Variants in TYR observed in about 807,000 individuals in gnomAD.
TYR encodes tyrosinase.
TYR carries 58 observed loss-of-function variants against 51.5 expected under a neutral mutation model. The observed-to-expected ratio is 1.13, with a 90% CI of 0.91 to 1.40. TYR has a LOEUF of 1.40. TYR is among the 40% of genes most tolerant of loss of function. TYR has a pLI of 0.00. For synonymous variants in TYR, 263 were observed against 235.2 expected (o/e 1.12, Z -1.08); for missense variants, 732 against 647.4 (o/e 1.13, Z -1.42).
chr11:89,242,436 C>T (rs1409884172), intron 3 of TYR, among the ~76,000 whole-genome samples: 1 of 152,088 alleles, frequency 6.6e-6, no homozygotes, highest in African/African-American at 2.4e-5. Flanking sequence ...GTCTCAAACT[C>T]CTGACCTCAG....
intron 2 of TYR, among the ~76,000 whole-genome samples, chr11:89,199,031 A>C (rs1436999045): frequency 6.6e-6 from 1 of 151,864 alleles, no homozygotes; most frequent in Non-Finnish European, 1.5e-5. Flanking sequence ...TGTCCTTGTG[A>C]TAGTTTGCTG....
intron 3 of TYR, among the ~76,000 whole-genome samples, chr11:89,266,493 T>C (rs1944527201): frequency 6.6e-6 from 1 of 151,948 alleles, no homozygotes; most frequent in Non-Finnish European, 1.5e-5. Flanking sequence ...CCCCATCATA[T>C]GTATTGGTCC....
rs541073452 is a variant in TYR at position 89,264,029 on chromosome 11, T to G, written c.1185-20744T>G. Among the ~76,000 whole-genome samples, 10 of 152,178 alleles carry G rather than the reference T, an allele frequency of 6.6e-5. No homozygotes were observed. The South Asian group carries it at 1.2e-3, about 19-fold the overall frequency. On this transcript the variant is annotated intron_variant, in intron 3 of 4. Transcript: ENST00000263321. The stretch of plus-strand genomic sequence containing the variant: ...CTCTTAATGTTGTAGTAGATTTTCT[T>G]GAATAAATGTTTCAGCATTTGCTGT...
At chr11:89,224,407 CT>C (rs1460920125) in intron 2 of TYR, among the ~76,000 whole-genome samples, 2 of 152,136 alleles carry the variant, frequency 1.3e-5, no homozygotes, top group Non-Finnish European at 2.9e-5. Flanking sequence ...AAGGATTATA[CT>C]TCCAGTATGT....
intron 2 of TYR, among the ~76,000 whole-genome samples, chr11:89,221,304 A>G (rs1943909702): frequency 6.6e-6 from 1 of 152,238 alleles, no homozygotes; most frequent in Non-Finnish European, 1.5e-5. Context: ...ATAATTACAT[A>G]GTATGAAACA....
At chr11:89,207,395 G>A (rs1943685922) in intron 2 of TYR, among the ~76,000 whole-genome samples, 1 of 151,984 alleles carries the variant, frequency 6.6e-6, no homozygotes. Context: ...TCCTAAAAAA[G>A]CGCAAACTAT....
intron 1 of TYR, among the ~76,000 whole-genome samples, chr11:89,190,983 C>G (rs188460689): frequency 6.6e-6 from 1 of 152,076 alleles, no homozygotes; most frequent in African/African-American, 2.4e-5. Flanking sequence ...CTATACCATT[C>G]TAGGTTTGTG....
intron 3 of TYR, among the ~76,000 whole-genome samples, chr11:89,279,050 A>AT (rs769507405): frequency 1.3e-4 from 20 of 151,618 alleles, no homozygotes; most frequent in Non-Finnish European, 2.7e-4. Flanking sequence ...TCTTCACATC[A>AT]TATCAAAGGT....
intron 2 of TYR, among the ~76,000 whole-genome samples, chr11:89,216,900 A>G (rs947492862): frequency 1.4e-4 from 21 of 152,138 alleles, no homozygotes; most frequent in African/African-American, 4.6e-4. Flanking sequence ...GTTTCTTATC[A>G]TGATCAAACA....
chr11:89,191,001 A>T (rs1943435897), intron 1 of TYR, among the ~76,000 whole-genome samples: 1 of 152,174 alleles, frequency 6.6e-6, no homozygotes, highest in Non-Finnish European at 1.5e-5. Context: ...GTGCAAGTAC[A>T]CTGACTATGA....
At chr11:89,239,178 C>T (rs6415994) in intron 3 of TYR, among the ~76,000 whole-genome samples, 48,612 of 151,912 alleles carry the variant, frequency 0.32, 8,285 homozygotes, top group African/African-American at 0.43. Flanking sequence ...TAAATGTTGG[C>T]AGAACTTATC....
At chr11:89,255,817 A>G (rs146053415) in intron 3 of TYR, among the ~76,000 whole-genome samples, 1,764 of 151,320 alleles carry the variant, frequency 0.012, 33 homozygotes, top group African/African-American at 0.041. Context: ...GCCTAATTAG[A>G]CCTTTGTTCA....
intron 3 of TYR, among the ~76,000 whole-genome samples, chr11:89,261,378 A>C (rs1384125381): frequency 6.6e-6 from 1 of 152,156 alleles, no homozygotes; most frequent in Non-Finnish European, 1.5e-5. Context: ...AAGATATTTT[A>C]TGTAAAAAAT....
intron 3 of TYR, among the ~76,000 whole-genome samples, chr11:89,242,357 A>C (rs538202953): frequency 1.3e-5 from 2 of 148,790 alleles, no homozygotes; most frequent in Admixed American, 1.3e-4. Flanking sequence ...ACAGGCACCC[A>C]CCACCACGCC....
chr11:89,208,735 T>C (rs971321741), intron 2 of TYR, among the ~76,000 whole-genome samples: 2 of 152,222 alleles, frequency 1.3e-5, no homozygotes, highest in African/African-American at 2.4e-5. Context: ...ATTTTGTAAG[T>C]ACTTCTAAAA....
intron 3 of TYR, among the ~76,000 whole-genome samples, chr11:89,251,950 C>G (rs1007616631): frequency 1.8e-4 from 27 of 151,868 alleles, no homozygotes; most frequent in African/African-American, 6.3e-4. Context: ...TTGAGAAAAG[C>G]CCTTACTGTA....
intron 2 of TYR, among the ~76,000 whole-genome samples, chr11:89,198,487 C>T (rs1001848974): frequency 1.3e-5 from 2 of 152,064 alleles, no homozygotes; most frequent in Admixed American, 6.6e-5. Context: ...TTTAATTAAT[C>T]CCCCAGATTT....
chr11:89,188,900 G>A (rs7117213), intron 1 of TYR, among the ~76,000 whole-genome samples: 30,644 of 151,634 alleles, frequency 0.2, 4,342 homozygotes, highest in African/African-American at 0.41. Flanking sequence ...AGGAAATAAT[G>A]TTTGCATCAG....
At chr11:89,202,795 G>A (rs796876965) in intron 2 of TYR, among the ~76,000 whole-genome samples, 25 of 152,100 alleles carry the variant, frequency 1.6e-4, no homozygotes, top group Admixed American at 5.9e-4. Context: ...TGGAGGGGGA[G>A]CAGATTTTAT....
Sources: allele counts gnomAD v4.1 joint callset (sites outside exome capture counted in the v4.1 genomes callset), GRCh38; gene constraint gnomAD v4.1.1; transcripts MANE v1.5; gene names NCBI Gene and HGNC (gene_info 2026-07-23, HGNC 2026-07-21).